The following MAGI2 variants were observed in gnomAD, a reference collection of about 807,000 sequenced individuals.
The protein encoded by MAGI2 is membrane-associated guanylate kinase, WW and PDZ domain-containing protein 2.
In MAGI2, 35 loss-of-function variants were observed where a neutral mutation model predicts 133.3. The observed-to-expected ratio is 0.26, with a 90% confidence interval of 0.20 to 0.35. The LOEUF is 0.35. Among genes scored for constraint, MAGI2 ranks in the 10% least tolerant of loss-of-function variants. MAGI2 has a pLI of 1.00. For missense variants in MAGI2, 1,636 were observed against 1,863.4 expected, an observed-to-expected ratio of 0.88 and a Z score of 2.25; for synonymous variants, 729 against 710.6, an observed-to-expected ratio of 1.03 and a Z score of -0.41.
intron 14 of MAGI2, among the ~76,000 whole-genome samples, chr7:78,175,882 C>T (rs568806985): frequency 3.2e-4 from 49 of 152,260 alleles, no homozygotes; most frequent in African/African-American, 9.4e-4. Context: ...AAAACAAAAT[C>T]GGCAGACACA....
chr7:78,649,233 AAAGAAAAAAAAAG>A (rs1811252203), intron 2 of MAGI2, among the ~76,000 whole-genome samples: 1 of 82,496 alleles, frequency 1.2e-5, no homozygotes, highest in Admixed American at 1.4e-4. Context: ...AAAAAAAAAA[AAAGAAAAAAAAAG>A]AAAAAAAGTA....
chr7:79,088,306 T>C (rs910729843), intron 1 of MAGI2, among the ~76,000 whole-genome samples: 12 of 152,136 alleles, frequency 7.9e-5, no homozygotes, highest in African/African-American at 2.9e-4. Context: ...GATTTGGCCC[T>C]CTGTTTGTCT....
chr7:78,103,956 A>T (rs3807736), intron 20 of MAGI2, among the ~76,000 whole-genome samples: 1 of 152,006 alleles, frequency 6.6e-6, no homozygotes, highest in East Asian at 1.9e-4. Context: ...TGGCACTCCA[A>T]AACACAACAA....
chr7:78,683,460 TA>T (rs1253489287), intron 2 of MAGI2, among the ~76,000 whole-genome samples: 5 of 152,240 alleles, frequency 3.3e-5, no homozygotes, highest in East Asian at 3.9e-4. Flanking sequence ...ATTTACTGAT[TA>T]GGGGGCCACT....
chr7:78,328,502 A>AACACACACACACACACACAC (rs1554346526), intron 9 of MAGI2, among the ~76,000 whole-genome samples: 2,861 of 105,060 alleles, frequency 0.027, 90 homozygotes, highest in African/African-American at 0.043. Flanking sequence ...CCAGCTCTAA[A>AACACACACACACACACACAC]ACACACACAC....
intron 1 of MAGI2, among the ~76,000 whole-genome samples, chr7:79,008,599 A>T (rs921376674): frequency 6.6e-6 from 1 of 152,200 alleles, no homozygotes; most frequent in African/African-American, 2.4e-5. Flanking sequence ...ATCAAATGAC[A>T]TAAAAGAAAA....
intron 2 of MAGI2, among the ~76,000 whole-genome samples, chr7:78,963,324 A>G (rs1803019256): frequency 6.6e-6 from 1 of 152,110 alleles, no homozygotes; most frequent in African/African-American, 2.4e-5. Flanking sequence ...AAAGCACTTT[A>G]TCTGGCAAGC....
chr7:78,117,911 A>G (rs1820038301), intron 20 of MAGI2, among the ~76,000 whole-genome samples: 1 of 152,206 alleles, frequency 6.6e-6, no homozygotes, highest in Non-Finnish European at 1.5e-5. Context: ...TATAGCCAGG[A>G]GAAGAATAAA....
chr7:78,569,822 A>G (rs958923020), intron 3 of MAGI2, among the ~76,000 whole-genome samples: 2 of 152,196 alleles, frequency 1.3e-5, no homozygotes, highest in Non-Finnish European at 2.9e-5. Context: ...GGTAACCACT[A>G]TGTTGATTCC....
intron 2 of MAGI2, among the ~76,000 whole-genome samples, chr7:78,959,289 A>T (rs1243169747): frequency 1.3e-5 from 2 of 152,112 alleles, no homozygotes; most frequent in East Asian, 3.9e-4. Context: ...GGGGCTTTGG[A>T]TTACTCTAAA....
intron 2 of MAGI2, among the ~76,000 whole-genome samples, chr7:78,642,543 A>G (rs1198390078): frequency 6.6e-6 from 1 of 152,166 alleles, no homozygotes; most frequent in African/African-American, 2.4e-5. Context: ...CAAATTTATC[A>G]TTTGTCCAAA....
chr7:78,334,251 T>C (rs1374818405), intron 9 of MAGI2, among the ~76,000 whole-genome samples: 1 of 152,144 alleles, frequency 6.6e-6, no homozygotes, highest in African/African-American at 2.4e-5. Context: ...CAACATGGAA[T>C]GGCCAGCACT....
chr7:78,645,437 T>C (rs1810768685), intron 2 of MAGI2, among the ~76,000 whole-genome samples: 1 of 152,100 alleles, frequency 6.6e-6, no homozygotes, highest in Non-Finnish European at 1.5e-5. Context: ...TGGAACAATA[T>C]GTAAAAAGGA....
At chr7:79,136,769 G>GT (rs1562930120) in intron 1 of MAGI2, among the ~76,000 whole-genome samples, 1 of 152,176 alleles carries the variant, frequency 6.6e-6, no homozygotes, top group African/African-American at 2.4e-5. Flanking sequence ...AAGTAATTGA[G>GT]TTTTTTAAGC....
chr7:79,376,662 C>T (rs573493186), intron 1 of MAGI2, among the ~76,000 whole-genome samples: 2 of 151,684 alleles, frequency 1.3e-5, no homozygotes, highest in East Asian at 1.9e-4. Flanking sequence ...CAGGGTCATG[C>T]GAAATTTCAT....
At chr7:78,583,265 G>A (rs998756841) in intron 3 of MAGI2, among the ~76,000 whole-genome samples, 33 of 152,196 alleles carry the variant, frequency 2.2e-4, no homozygotes, top group Admixed American at 1.4e-3. Flanking sequence ...TTGGGAGGCC[G>A]AGGCGGGCGG....
chr7:78,418,864 G>C (rs1263790206), intron 6 of MAGI2, among the ~76,000 whole-genome samples: 3 of 152,148 alleles, frequency 2.0e-5, no homozygotes, highest in Admixed American at 6.6e-5. Context: ...AGTAGTAATA[G>C]TGAATATAGG....
At chr7:78,327,410 C>T (rs1788694611) in intron 9 of MAGI2, among the ~76,000 whole-genome samples, 1 of 152,216 alleles carries the variant, frequency 6.6e-6, no homozygotes, top group South Asian at 2.1e-4. Context: ...AACCTGATCT[C>T]CATCTTCTCT....
chr7:78,019,752 C>G lies in MAGI2; in HGVS notation c.3931G>C (p.Gly1311Arg). Reference sequence around the variant, plus strand: ...CTCGCCGAGCGCTCCCTCTGCTCCCCGAGGCGCTGCTTCTTCTGGCCGCAG... The same window carrying G: ...CTCGCCGAGCGCTCCCTCTGCTCCCGGAGGCGCTGCTTCTTCTGGCCGCAG... ...SACGQKKQRL[G>R]EQRERSASPQ... is the part of the protein sequence containing the mutation. Residue 1311 changes from glycine (G) to arginine (R), a missense_variant, in exon 22 of 22, where the codon GGG (glycine) becomes CGG (arginine). By Grantham distance (125) the Gly-to-Arg change is moderately radical. Coordinates refer to ENST00000354212, the MANE Select transcript of MAGI2 (RefSeq NM_012301.4). 2 of 1,612,032 alleles carry G rather than the reference C, an allele frequency of 1.2e-6. No individual in the cohort carries two copies. The highest frequency in any genetic ancestry group is 2.2e-5 in the East Asian group (1 of 44,798).
Sources: allele counts gnomAD v4.1 joint callset (sites outside exome capture counted in the v4.1 genomes callset), GRCh38; gene constraint gnomAD v4.1.1; transcripts MANE v1.5; gene names NCBI Gene and HGNC (gene_info 2026-07-23, HGNC 2026-07-21).